The following MYOF variants were observed in gnomAD, a reference collection of about 807,000 sequenced individuals.
MYOF encodes fer-1-like 3, myoferlin.
Under a neutral mutation model 284.2 loss-of-function variants are expected in MYOF, and 244 were observed. The observed-to-expected ratio is 0.86, with a 90% CI of 0.77 to 0.95. The LOEUF is 0.95. Ranked by LOEUF, MYOF falls within the 40% of genes least tolerant of loss-of-function variation. The pLI is 0.00. For missense variants in MYOF, 2,496 were observed against 2,560.6 expected (o/e 0.97, Z 0.54); for synonymous variants, 904 against 919.7 (o/e 0.98, Z 0.31).
chr10:93,365,448 T>C (rs1375970928), intron 26 of MYOF, among the ~76,000 whole-genome samples: 2 of 152,194 alleles, frequency 1.3e-5, no homozygotes, highest in East Asian at 3.8e-4. Flanking sequence ...TTTTGAGATA[T>C]AGTTCACATA....
At chr10:93,340,004 CG>C (rs1045981962) in intron 39 of MYOF, 148 bp downstream of exon 39, 2 of 760,786 alleles carry the variant, frequency 2.6e-6, no homozygotes, top group South Asian at 1.7e-5. Context: ...GCGTGAACCC[CG>C]GGGGGCGGAG....
intron 3 of MYOF, among the ~76,000 whole-genome samples, chr10:93,439,564 C>T (rs910619597): frequency 6.6e-6 from 1 of 152,176 alleles, no homozygotes; most frequent in South Asian, 2.1e-4. Context: ...TGACTAGGAA[C>T]GTGGAGGCAG....
intron 3 of MYOF, among the ~76,000 whole-genome samples, chr10:93,441,453 C>T (rs1324377986): frequency 6.6e-6 from 1 of 151,816 alleles, no homozygotes; most frequent in Admixed American, 6.6e-5. Flanking sequence ...GGTGCAATCT[C>T]AGCTCATTGC....
chr10:93,367,100 C>T (rs1187937662), intron 25 of MYOF, among the ~76,000 whole-genome samples: 3 of 152,156 alleles, frequency 2.0e-5, no homozygotes, highest in African/African-American at 4.8e-5. Flanking sequence ...TCCTTTAATA[C>T]CCAGCCCTTA....
rs756233987 is a variant in MYOF, at chr10:93,361,536, G to A, written c.2890C>T (p.Pro964Ser). Residue 964 changes from proline to serine, a missense_variant, in exon 28 of 54, where the codon CCC becomes TCC. Pro to Ser is a moderately conservative substitution (Grantham distance 74). Transcript: ENST00000359263. ...CCTGGAGGACAAGTCAACTCGCTGG[G>A]TGATGCTGCTTTATCGCCGTTCTTA... ...TDANGDKAAS[P>S]SELTCPPGWE... is the part of the protein sequence containing the mutation. The A allele has an allele frequency of 6.2e-6, 10 of 1,614,064 alleles. No homozygotes were observed. The Admixed American group carries it at 8.3e-5, about 13-fold the overall frequency.
intron 5 of MYOF, among the ~76,000 whole-genome samples, chr10:93,422,282 C>T (rs760467782): frequency 2.6e-5 from 4 of 152,164 alleles, no homozygotes; most frequent in Non-Finnish European, 5.9e-5. Flanking sequence ...CTTAGCTGAG[C>T]AAAGTCAGGG....
chr10:93,328,932 C>T (rs746702956), intron 44 of MYOF, 21 bp from the exon 45 acceptor site: 24 of 1,578,796 alleles, frequency 1.5e-5, no homozygotes, highest in Non-Finnish European at 2.0e-5. Context: ...CATCACGTGG[C>T]TCGGAGTTAC....
At chr10:93,349,779 T>C in intron 36 of MYOF, 29 bp downstream of exon 36, 3 of 1,611,996 alleles carry the variant, frequency 1.9e-6, no homozygotes, top group Non-Finnish European at 2.5e-6. Context: ...TCAACGCGCA[T>C]GGGTGATCAC....
intron 15 of MYOF, 26 bp from the exon 16 acceptor site, chr10:93,396,250 AT>A (rs759309458): frequency 6.7e-6 from 10 of 1,503,086 alleles, no homozygotes; most frequent in South Asian, 1.3e-5. Context: ...AAATAAAAAA[AT>A]AAAAAATAAA....
rs543120208 is a variant in MYOF, at chr10:93,392,545, G to A, written c.1456+372C>T. Among the ~76,000 whole-genome samples the A allele has an allele frequency of 1.2e-4, 18 of 152,252 alleles. No homozygotes were observed. The East Asian group carries it at 2.9e-3, about 24-fold the overall frequency. The stretch of plus-strand genomic sequence containing the variant: ...AGTATTTTTCAACCTAGAGATTCAC[G>A]TTGAAATTGGGGGAAAGTTACTTGA... On this transcript the variant is annotated intron_variant, in intron 17 of 53. Coordinates refer to ENST00000359263, the MANE Select transcript of MYOF (RefSeq NM_013451.4).
At chr10:93,395,594 T>C (rs1043608199) in intron 16 of MYOF, among the ~76,000 whole-genome samples, 2 of 151,912 alleles carry the variant, frequency 1.3e-5, no homozygotes, top group African/African-American at 4.8e-5. Context: ...GAAAATTGTT[T>C]GGAAAACAAC....
chr10:93,401,666 G>C (rs1453934323), intron 11 of MYOF, 122 bp from the exon 12 acceptor site: 2 of 1,326,128 alleles, frequency 1.5e-6, no homozygotes, highest in Middle Eastern at 2.2e-4. Context: ...TGTGTTTGGG[G>C]CTTAAGAGTT....
At chr10:93,324,297 G>T (rs1397929122) in intron 46 of MYOF, 2 of 152,222 alleles carry the variant, frequency 1.3e-5, no homozygotes, top group Non-Finnish European at 2.9e-5. Context: ...GAAACCACTA[G>T]ATTGGCTTCC....
Position 93,355,633 on chromosome 10 carries a change from A to G in MYOF, c.3398T>C (p.Phe1133Ser), listed in dbSNP as rs1223360710. The G allele has an allele frequency of 6.2e-7, 1 of 1,603,360 alleles. No individual in the cohort carries two copies. Among genetic ancestry groups the G allele is most frequent in the Non-Finnish European group, 8.5e-7 (1 of 1,173,520 alleles). Residue 1133 changes from phenylalanine (F) to serine (S), a missense_variant, in exon 31 of 54, where the codon TTT becomes TCT. Transcript: ENST00000359263. Reference protein sequence around the residue: ...GANTPIVSCNFDRVYIYHLRC... With the variant: ...GANTPIVSCNSDRVYIYHLRC... ...AAAAATAAAACAAAACTCACTGTCAAAATTGCAGGAAACAATGGGGGTGTT... is the reference window on the plus strand; with the variant it reads ...AAAAATAAAACAAAACTCACTGTCAGAATTGCAGGAAACAATGGGGGTGTT...
intron 2 of MYOF, 123 bp from the exon 3 acceptor site, chr10:93,452,264 A>C (rs929681820): frequency 4.1e-6 from 3 of 731,222 alleles, no homozygotes; most frequent in Non-Finnish European, 7.1e-6. Context: ...AATCTTTTGA[A>C]GTTATGCAGA....
chr10:93,432,752 C>A (rs980081840), intron 3 of MYOF, among the ~76,000 whole-genome samples: 8 of 152,190 alleles, frequency 5.3e-5, no homozygotes, highest in Admixed American at 2.0e-4. Flanking sequence ...TACAGAAGTA[C>A]CCTCATGTCT....
chr10:93,377,391 A>G lies in MYOF; in HGVS notation c.2040T>C (p.Gly680=), dbSNP rs1192017330. ...CAGCCAGCTGGTTTGCAGGAATTTT[A>G]CCTTGTATCCCTGATTTTAGAGCTT... is the stretch of plus-strand genomic sequence containing the variant. ...NIEALKSGIQ[G]KIPANQLAEL... Residue 680 remains glycine (G), a synonymous_variant, in exon 22 of 54, where the codon GGT becomes GGC. Coordinates refer to ENST00000359263, the MANE Select transcript of MYOF (RefSeq NM_013451.4). 1.2e-6 allele frequency: 2 copies of G among 1,614,062 alleles called. No homozygotes were observed. Among genetic ancestry groups the G allele is most frequent in the Non-Finnish European group, 1.7e-6 (2 of 1,179,958 alleles).
At chr10:93,408,766 A>G (rs1411468894) in intron 7 of MYOF, 21 bp downstream of exon 7, 2 of 1,613,988 alleles carry the variant, frequency 1.2e-6, no homozygotes, top group Middle Eastern at 1.6e-4. Flanking sequence ...GAGCAGAAAC[A>G]TGCCCTCTCA....
chr10:93,454,502 A>G (rs1057150916), intron 2 of MYOF, among the ~76,000 whole-genome samples: 11 of 152,112 alleles, frequency 7.2e-5, no homozygotes, highest in African/African-American at 2.7e-4. Context: ...ACATAAATGC[A>G]TTTTTTATTT....
Sources: allele counts gnomAD v4.1 joint callset (sites outside exome capture counted in the v4.1 genomes callset), GRCh38; gene constraint gnomAD v4.1.1; transcripts MANE v1.5; gene names NCBI Gene and HGNC (gene_info 2026-07-23, HGNC 2026-07-21).